The following LARP4B variants were observed in gnomAD, a reference collection of about 807,000 sequenced individuals.
The protein encoded by LARP4B is la-related protein 4B.
In LARP4B, 12 loss-of-function variants were observed where a neutral mutation model predicts 89.8. The observed-to-expected ratio is 0.13, with a 90% CI of 0.09 to 0.22. The LOEUF (loss-of-function observed/expected upper bound fraction) is 0.22, where lower values mean the gene tolerates loss of function less well. Ranked by LOEUF, LARP4B falls within the 10% of genes least tolerant of loss-of-function variation. The pLI is 1.00. For synonymous variants in LARP4B, 367 were observed against 363.3 expected (o/e 1.01, Z -0.12); for missense variants, 757 against 947.7 (o/e 0.80, Z 2.64).
intron 13 of LARP4B, among the ~76,000 whole-genome samples, chr10:821,269 C>T (rs1832337923): frequency 6.6e-6 from 1 of 152,168 alleles, no homozygotes; most frequent in Admixed American, 6.5e-5. Context: ...ATTTAAAAGA[C>T]CCCAAATACC....
At chr10:851,972 G>C (rs1048115802) in intron 5 of LARP4B, among the ~76,000 whole-genome samples, 1 of 152,086 alleles carries the variant, frequency 6.6e-6, no homozygotes, top group African/African-American at 2.4e-5. Context: ...AGGCTAAGGC[G>C]GGAGAATCGC....
rs969123881 is a variant in LARP4B at position 822,510 on chromosome 10, C to G, written c.1485-1665G>C. Among the ~76,000 whole-genome samples, 1 of 152,194 alleles carries G rather than the reference C, an allele frequency of 6.6e-6. No homozygotes were observed. The highest frequency in any genetic ancestry group is 2.4e-5 in the African/African-American group (1 of 41,448). On this transcript the variant is annotated intron_variant, in intron 13 of 17. Transcript: ENST00000316157. The surrounding 1 kb of genome is among the most constrained non-coding windows in gnomAD (Gnocchi z 4.6). ...TCAGTGGGCCCAGCCAACACTCCCC[C>G]ACACCCTCACTGGGCTCCACGTAAC...
chr10:844,955 G>A, intron 6 of LARP4B, 22 bp downstream of exon 6: 2 of 1,582,260 alleles, frequency 1.3e-6, no homozygotes, highest in Non-Finnish European at 1.7e-6. Flanking sequence ...TCAGGTACTA[G>A]AAAAACCACC....
chr10:961,307 G>A, the LARP4B span, among the ~76,000 whole-genome samples: 1 of 152,240 alleles, frequency 6.6e-6, no homozygotes, highest in African/African-American at 2.4e-5. Flanking sequence ...AGGTTTATTT[G>A]GCTCACGGTT....
intron 3 of LARP4B, chr10:873,116 C>A (rs1564423575): frequency 1.9e-5 from 19 of 985,246 alleles, no homozygotes; most frequent in Non-Finnish European, 2.2e-5. Flanking sequence ...ATTGTCACTA[C>A]TTAGTTCTCT....
chr10:878,512 T>G (rs929251011), intron 3 of LARP4B, among the ~76,000 whole-genome samples: 6 of 152,250 alleles, frequency 3.9e-5, no homozygotes, highest in Non-Finnish European at 4.4e-5. Flanking sequence ...TCTATAATTG[T>G]GACATGTCTT....
At chr10:899,693 C>T (rs920312313) in intron 1 of LARP4B, among the ~76,000 whole-genome samples, 4 of 152,088 alleles carry the variant, frequency 2.6e-5, no homozygotes, top group Admixed American at 2.6e-4. Flanking sequence ...TAAGGGATGA[C>T]GCATGAACAG....
the LARP4B span, among the ~76,000 whole-genome samples, chr10:973,594 C>G: frequency 1.3e-5 from 2 of 152,018 alleles, no homozygotes; most frequent in Non-Finnish European, 2.9e-5. Flanking sequence ...CTCGTGGTCT[C>G]CCTGCCTCGG....
the LARP4B span, chr10:985,875 AAAGT>A: frequency 6.6e-6 from 1 of 152,330 alleles, no homozygotes; most frequent in South Asian, 2.1e-4. Flanking sequence ...GGATGGCAAA[AAAGT>A]AAGACACAGT....
intron 1 of LARP4B, among the ~76,000 whole-genome samples, chr10:896,975 C>G (rs574176056): frequency 6.7e-6 from 1 of 148,736 alleles, no homozygotes; most frequent in African/African-American, 2.5e-5. Flanking sequence ...TCAAAATTCA[C>G]TTTTGTGGGA....
At chr10:888,347 A>C (rs1235568730) in intron 1 of LARP4B, among the ~76,000 whole-genome samples, 5 of 151,516 alleles carry the variant, frequency 3.3e-5, no homozygotes, top group East Asian at 1.9e-4. Flanking sequence ...CAAAAAAAAA[A>C]AAACACACAC....
At chr10:890,166 G>A (rs1289997715) in intron 1 of LARP4B, among the ~76,000 whole-genome samples, 1 of 152,160 alleles carries the variant, frequency 6.6e-6, no homozygotes, top group Non-Finnish European at 1.5e-5. Flanking sequence ...TTACTAGGTA[G>A]CCATACAGGT....
At chr10:899,026 C>T (rs1319778252) in intron 1 of LARP4B, among the ~76,000 whole-genome samples, 1 of 152,194 alleles carries the variant, frequency 6.6e-6, no homozygotes, top group Non-Finnish European at 1.5e-5. Flanking sequence ...ATTCCTTCTT[C>T]CCTTTTACAG....
intron 3 of LARP4B, among the ~76,000 whole-genome samples, chr10:883,833 A>G (rs1276930431): frequency 6.6e-6 from 1 of 151,528 alleles, no homozygotes; most frequent in Non-Finnish European, 1.5e-5. Flanking sequence ...AACTGCTTAT[A>G]ATGGGGGGGG....
At chr10:823,553 T>A (rs1424371179) in intron 13 of LARP4B, among the ~76,000 whole-genome samples, 2 of 151,552 alleles carry the variant, frequency 1.3e-5, no homozygotes, top group Admixed American at 6.6e-5. Flanking sequence ...GTGACGCTCG[T>A]ATGAACAAGG....
intron 3 of LARP4B, among the ~76,000 whole-genome samples, chr10:869,564 G>C (rs1054942539): frequency 6.6e-6 from 1 of 152,130 alleles, no homozygotes; most frequent in Non-Finnish European, 1.5e-5. Flanking sequence ...CCACTGTTTA[G>C]AGTAAATCTT....
Position 931,530 on chromosome 10 carries a change from C to T in LARP4B, c.-142G>A, listed in dbSNP as rs1830611566. 6.7e-6 allele frequency: 1 copy of T among 148,964 alleles called. No homozygotes were observed. Among genetic ancestry groups the T allele is most frequent in the African/African-American group, 2.5e-5 (1 of 40,600 alleles). The allele number at this position is 148,964 out of a possible 1,614,324, so 9.2% of individuals were successfully genotyped here. A position where few individuals can be genotyped will look rare whatever the true frequency, so the allele number is the denominator to read the frequency against. On this transcript the variant is annotated 5_prime_UTR_variant, in exon 1 of 18. Transcript: ENST00000316157. ...CACGCGGGGACGGCGAGGAGAGAGACGGCAGGGAGAGGCGGCGCGGCCGGG... is the reference window on the plus strand; with the variant it reads ...CACGCGGGGACGGCGAGGAGAGAGATGGCAGGGAGAGGCGGCGCGGCCGGG...
the LARP4B span, among the ~76,000 whole-genome samples, chr10:976,499 T>C: frequency 6.9e-6 from 1 of 144,074 alleles, no homozygotes; most frequent in African/African-American, 2.6e-5. Context: ...TCCAGCCTAG[T>C]AGAAGGTAGG....
At chr10:881,603 T>G (rs1835670298) in intron 3 of LARP4B, among the ~76,000 whole-genome samples, 1 of 152,190 alleles carries the variant, frequency 6.6e-6, no homozygotes, top group African/African-American at 2.4e-5. Context: ...GGAACTCAGG[T>G]AAACTTAATG....
Sources: allele counts gnomAD v4.1 joint callset (sites outside exome capture counted in the v4.1 genomes callset), GRCh38; gene constraint gnomAD v4.1.1; non-coding constraint Gnocchi (gnomAD v3.1); transcripts MANE v1.5; gene names NCBI Gene and HGNC (gene_info 2026-07-23, HGNC 2026-07-21).